Variants in ZC3H7B observed in about 807,000 individuals in gnomAD.
The protein encoded by ZC3H7B is zinc finger CCCH domain-containing protein 7B.
A neutral mutation model predicts 116.0 loss-of-function variants in ZC3H7B; 35 were observed. The ratio of observed to expected loss-of-function variants is 0.30; its 90% CI spans 0.23 to 0.40. The LOEUF (loss-of-function observed/expected upper bound fraction) is 0.40. Ranked by LOEUF, ZC3H7B falls within the 10% of genes least tolerant of loss-of-function variation. The pLI is 1.00. For synonymous variants in ZC3H7B, 502 were observed against 545.6 expected (o/e 0.92, Z 1.11); for missense variants, 1,011 against 1,321.5 (o/e 0.77, Z 3.64).
At chr22:41,342,502 A>G in intron 11 of ZC3H7B, 27 bp from the exon 12 acceptor site, 2 of 1,610,132 alleles carry the variant, frequency 1.2e-6, no homozygotes, top group Middle Eastern at 1.6e-4. Flanking sequence ...TCCAGTGCCC[A>G]CAATGGCCTC....
chr22:41,323,104 T>C lies in ZC3H7B; in HGVS notation c.53+2391T>C, dbSNP rs2036277693. 4.6e-5 allele frequency among the ~76,000 whole-genome samples: 7 copies of C among 152,312 alleles called. No individual in the cohort carries two copies. The South Asian group carries it at 1.4e-3, about 32-fold the overall frequency. Reference sequence around the variant, plus strand: ...GCCGCTTCTGGAGGGTGTCCTGCGCTGGGCTGATTTGATTAGGGGTTTTGG... The same window carrying C: ...GCCGCTTCTGGAGGGTGTCCTGCGCCGGGCTGATTTGATTAGGGGTTTTGG... On this transcript the variant is annotated intron_variant, in intron 2 of 22. Transcript: ENST00000352645.
In ZC3H7B at chr22:41,302,623, G is replaced by C. The variant is rs1252992352; in HGVS notation, c.-7+851G>C. 1.3e-5 allele frequency among the ~76,000 whole-genome samples: 2 copies of C among 152,196 alleles called. No homozygotes were observed. The highest frequency in any genetic ancestry group is 4.8e-5 in the African/African-American group (2 of 41,450). ...AACCTCAGGGCCCCCCTCCGGGTTT[G>C]CTCCCTCCTCCTTTCCCCTCCTTTC... On this transcript the variant is annotated intron_variant, in intron 1 of 22. Coordinates refer to ENST00000352645, the MANE Select transcript of ZC3H7B (RefSeq NM_017590.6). The surrounding 1 kb of genome is among the most constrained non-coding windows in gnomAD (Gnocchi z 5.7).
intron 12 of ZC3H7B, among the ~76,000 whole-genome samples, chr22:41,342,931 G>A (rs1048807018): frequency 1.3e-5 from 2 of 152,228 alleles, no homozygotes; most frequent in African/African-American, 4.8e-5. Context: ...CCAGCATTTT[G>A]TGAGGCTGAG....
Position 41,339,059 on chromosome 22 carries a change from C to G in ZC3H7B, c.684C>G (p.Pro228=). The change falls in exon 9 of 23, where the codon CCC becomes CCG. Residue 228 remains proline, a synonymous_variant. Transcript: ENST00000352645. ...TTCTCCCCTCCACGCCCACGATGCC[C>G]CTGTTCCCTCACGTTCTGGACCTGC... ...PALLPSTPTM[P]LFPHVLDLLA... 1.2e-6 allele frequency: 2 copies of G among 1,612,252 alleles called. No homozygotes were observed. Among genetic ancestry groups the G allele is most frequent in the Non-Finnish European group, 1.7e-6 (2 of 1,179,160 alleles).
Position 41,357,360 on chromosome 22 carries a change from G to C in ZC3H7B, c.2865G>C (p.Glu955Asp). The C allele has an allele frequency of 6.2e-7, 1 of 1,613,490 alleles. No homozygotes were observed. Among genetic ancestry groups the C allele is most frequent in the Non-Finnish European group, 8.5e-7 (1 of 1,179,970 alleles). The change falls in exon 23 of 23, where the codon GAG becomes GAC. Residue 955 changes from glutamate to aspartate, a missense_variant. Coordinates refer to ENST00000352645, the MANE Select transcript of ZC3H7B (RefSeq NM_017590.6). This position sits in a 1 kb window ranked among gnomAD's most constrained non-coding sequence, Gnocchi z 5.4. ...DFGKYNFLLQEDGDLAGATPE... is the reference protein window; with the variant it reads ...DFGKYNFLLQDDGDLAGATPE... Reference sequence around the variant, plus strand: ...GCAAATACAACTTCCTGCTGCAAGAGGACGGGGACCTTGCCGGTGCCACCC... The same window carrying C: ...GCAAATACAACTTCCTGCTGCAAGACGACGGGGACCTTGCCGGTGCCACCC...
intron 1 of ZC3H7B, among the ~76,000 whole-genome samples, chr22:41,310,735 A>G (rs1240399155): frequency 1.3e-5 from 2 of 152,078 alleles, no homozygotes; most frequent in Admixed American, 1.3e-4. Context: ...AGCTTTTACA[A>G]TGACCTTCTG....
chr22:41,346,075 T>C lies in ZC3H7B; in HGVS notation c.1532T>C (p.Val511Ala). Reference protein sequence around the residue: ...TFAYHQEEIDVWTEERKGTLN... With the variant: ...TFAYHQEEIDAWTEERKGTLN... ...GCCTACCATCAGGAGGAGATCGACG[T>C]GTGGACCGAGGAGCGGAAGGGCACC... The change falls in exon 14 of 23, where the codon GTG becomes GCG. Residue 511 changes from valine to alanine, a missense_variant. Physicochemically the swap from Val to Ala is moderately conservative, Grantham distance 64 (BLOSUM62 0). Around this residue, in one of 5 missense-constraint regions of ZC3H7B, gnomAD observed 179 missense variants for 178.5 expected, o/e 1.00. Coordinates refer to ENST00000352645, the MANE Select transcript of ZC3H7B (RefSeq NM_017590.6). The surrounding 1 kb of genome is among the most constrained non-coding windows in gnomAD (Gnocchi z 5.3). The C allele has an allele frequency of 6.2e-7, 1 of 1,613,996 alleles. No homozygotes were observed. The highest frequency in any genetic ancestry group is 8.5e-7 in the Non-Finnish European group (1 of 1,180,002).
chr22:41,347,171 G>C (rs959568800), intron 14 of ZC3H7B, among the ~76,000 whole-genome samples: 1 of 152,178 alleles, frequency 6.6e-6, no homozygotes, highest in Non-Finnish European at 1.5e-5. Flanking sequence ...GCTGCTGCTG[G>C]TGGTCCCCAC....
rs777719090 is a variant in ZC3H7B, at chr22:41,355,947, C to T, written c.2275-7C>T. The T allele has an allele frequency of 1.9e-6, 3 of 1,592,676 alleles. No homozygotes were observed. Among genetic ancestry groups the T allele is most frequent in the East Asian group, 4.5e-5 (2 of 44,760 alleles). On this transcript the variant is annotated splice_region_variant and splice_polypyrimidine_tract_variant and intron_variant, in intron 19 of 22. Coordinates refer to ENST00000352645, the MANE Select transcript of ZC3H7B (RefSeq NM_017590.6). ...ACTCAGAGGATCTCCCCACGCCCAC[C>T]CCACAGCTCTGCATCCATGCACAGA...
In ZC3H7B at chr22:41,319,163, A is replaced by T. The variant is rs552532241; in HGVS notation, c.-6-1492A>T. Reference sequence around the variant, plus strand: ...ACGCCTGTAATCCCAGCACTTTGGGAGGCCAAGGTGGGCAGATCACGAGGT... The same window carrying T: ...ACGCCTGTAATCCCAGCACTTTGGGTGGCCAAGGTGGGCAGATCACGAGGT... On this transcript the variant is annotated intron_variant, in intron 1 of 22. Transcript: ENST00000352645. Among the ~76,000 whole-genome samples, 5 of 152,226 alleles carry T rather than the reference A, an allele frequency of 3.3e-5. No individual in the cohort carries two copies. The South Asian group carries it at 1.0e-3, about 32-fold the overall frequency.
intron 7 of ZC3H7B, chr22:41,336,735 T>G (rs1199802946): frequency 6.6e-6 from 1 of 151,930 alleles, no homozygotes; most frequent in Non-Finnish European, 1.5e-5. Flanking sequence ...TCCCAGCTAC[T>G]CAGGAGGCCG....
rs1410297662 is a variant in ZC3H7B at position 41,349,068 on chromosome 22, G to A, written c.1767-52G>A. 7 of 1,589,688 alleles carry A rather than the reference G, an allele frequency of 4.4e-6. No homozygotes were observed. Among genetic ancestry groups the A allele is most frequent in the Non-Finnish European group, 6.0e-6 (7 of 1,166,782 alleles). ...GAAGGTGGCCCTACCAGGAGAGAAGGTCAGAGGGGCTGCGGACTGCATCGT... is the reference window on the plus strand; with the variant it reads ...GAAGGTGGCCCTACCAGGAGAGAAGATCAGAGGGGCTGCGGACTGCATCGT... On this transcript the variant is annotated intron_variant, in intron 15 of 22. Transcript: ENST00000352645. The surrounding 1 kb of genome is among the most constrained non-coding windows in gnomAD (Gnocchi z 4.9).
intron 15 of ZC3H7B, among the ~76,000 whole-genome samples, chr22:41,348,573 C>T (rs779040503): frequency 6.6e-6 from 1 of 152,174 alleles, no homozygotes; most frequent in Non-Finnish European, 1.5e-5. Context: ...GAGGGGAGGC[C>T]TGGGTCAGGT....
At chr22:41,320,757 G>T in intron 2 of ZC3H7B, 44 bp downstream of exon 2, 1 of 1,602,264 alleles carries the variant, frequency 6.2e-7, no homozygotes, top group Admixed American at 1.7e-5. Context: ...GGTGGGCAAG[G>T]GTGGGTTCTC....
chr22:41,348,165 C>T lies in ZC3H7B; in HGVS notation c.1764C>T (p.Asn588=), dbSNP rs1281000091. 1 of 1,613,488 alleles carries T rather than the reference C, an allele frequency of 6.2e-7. No homozygotes were observed. The highest frequency in any genetic ancestry group is 8.5e-7 in the Non-Finnish European group (1 of 1,179,740). The stretch of plus-strand genomic sequence containing the variant: ...CTGCCAAGCACAGCTTCTACAACAA[C>T]AAGTGAGTGGGACCCTCAGCCCAGG... The part of the protein sequence containing the change: ...NLAAKHSFYN[N]KCLVHIVRST... The change falls in exon 15 of 23, where the codon AAC becomes AAT. Residue 588 remains asparagine, a splice_region_variant and synonymous_variant. Coordinates refer to ENST00000352645, the MANE Select transcript of ZC3H7B (RefSeq NM_017590.6).
chr22:41,338,472 C>T lies in ZC3H7B; in HGVS notation c.625+117C>T. The T allele has an allele frequency of 6.8e-6, 7 of 1,029,064 alleles. No individual in the cohort carries two copies. Among genetic ancestry groups the T allele is most frequent in the Non-Finnish European group, 2.9e-6 (2 of 686,280 alleles). The allele number at this position is 1,029,064 out of a possible 1,614,324, so 63.7% of individuals were successfully genotyped here. A position where few individuals can be genotyped will look rare whatever the true frequency, so the allele number is the denominator to read the frequency against. ...GGAGGGCCTCCGAGGGGTTCCCCAC[C>T]CTGGTACTCCCTGAGGCATGGGAGA... On this transcript the variant is annotated intron_variant, in intron 8 of 22. Transcript: ENST00000352645. This position sits in a 1 kb window ranked among gnomAD's most constrained non-coding sequence, Gnocchi z 4.5.
rs1986388402 is a variant in ZC3H7B at position 41,346,255 on chromosome 22, A to C, written c.1665+47A>C. ...CCACCCCATAGGCCATGGCACAGACAGGGCTGGGGATGCTCCCTGGCACGG... is the reference window on the plus strand; with the variant it reads ...CCACCCCATAGGCCATGGCACAGACCGGGCTGGGGATGCTCCCTGGCACGG... On this transcript the variant is annotated intron_variant, in intron 14 of 22. Coordinates refer to ENST00000352645, the MANE Select transcript of ZC3H7B (RefSeq NM_017590.6). This position sits in a 1 kb window ranked among gnomAD's most constrained non-coding sequence, Gnocchi z 5.3. The C allele has an allele frequency of 6.3e-7, 1 of 1,590,020 alleles. No individual in the cohort carries two copies. The highest frequency in any genetic ancestry group is 1.3e-5 in the African/African-American group (1 of 74,560).
Position 41,355,614 on chromosome 22 carries a change from GC to G in ZC3H7B, c.2168+14del, listed in dbSNP as rs1569244797. 1 of 1,613,984 alleles carries G rather than the reference GC, an allele frequency of 6.2e-7. No individual in the cohort carries two copies. The highest frequency in any genetic ancestry group is 8.5e-7 in the Non-Finnish European group (1 of 1,179,930). On this transcript the variant is annotated intron_variant, in intron 18 of 22. Coordinates refer to ENST00000352645, the MANE Select transcript of ZC3H7B (RefSeq NM_017590.6). ...AAGGCCCGGCACTGGTGAGTGGGAT[GC>G]CAGGTGGGGGCTCAGGTGGGATGGG...
intron 15 of ZC3H7B, among the ~76,000 whole-genome samples, chr22:41,348,627 A>C (rs1315746824): frequency 2.0e-5 from 3 of 152,166 alleles, no homozygotes; most frequent in Non-Finnish European, 2.9e-5. Flanking sequence ...TGGTTCTGCC[A>C]TGGTGTGCAT....
Sources: gnomAD v4.1 joint callset for allele counts (sites outside exome capture counted in the v4.1 genomes callset) on GRCh38, gnomAD v4.1.1 for gene constraint, gnomAD v4.1.1 regional missense constraint, Gnocchi (gnomAD v3.1) non-coding constraint, MANE v1.5 for transcripts, NCBI Gene and HGNC (gene_info 2026-07-23, HGNC 2026-07-21) for gene names.